The following CACNB4 variants were observed in gnomAD, a reference collection of about 807,000 sequenced individuals.
CACNB4 encodes calcium voltage-gated channel auxiliary subunit beta 4.
CACNB4 carries 32 observed loss-of-function variants against 71.2 expected under a neutral mutation model. The ratio of observed to expected loss-of-function variants is 0.45; its 90% CI spans 0.34 to 0.60. The LOEUF is 0.60. CACNB4 is among the 20% of genes least tolerant of loss of function. The pLI is 0.01. For missense variants in CACNB4, 464 were observed against 647.9 expected, an observed-to-expected ratio of 0.72 and a Z score of 3.08; for synonymous variants, 231 against 236.9, an observed-to-expected ratio of 0.97 and a Z score of 0.23.
intron 2 of CACNB4, among the ~76,000 whole-genome samples, chr2:152,077,140 G>C (rs1158600586): frequency 6.6e-6 from 1 of 152,222 alleles, no homozygotes; most frequent in Non-Finnish European, 1.5e-5. Flanking sequence ...AACATAAAGA[G>C]CCGAGCACAG....
At chr2:151,904,489 G>A (rs1482660089) in intron 2 of CACNB4, among the ~76,000 whole-genome samples, 3 of 151,522 alleles carry the variant, frequency 2.0e-5, no homozygotes, top group African/African-American at 7.3e-5. Flanking sequence ...CCATAAATTA[G>A]TGAACCCTAA....
intron 2 of CACNB4, among the ~76,000 whole-genome samples, chr2:152,055,276 TGC>T (rs1685666892): frequency 6.6e-6 from 1 of 152,196 alleles, no homozygotes; most frequent in African/African-American, 2.4e-5. Flanking sequence ...CCTCCCAAAA[TGC>T]TGGGATTACA....
At chr2:151,951,069 C>T (rs1380352132) in intron 2 of CACNB4, among the ~76,000 whole-genome samples, 4 of 152,100 alleles carry the variant, frequency 2.6e-5, no homozygotes, top group South Asian at 2.1e-4. Context: ...CTCAGCCTCC[C>T]GAGTACCTGG....
At chr2:152,002,113 A>G (rs1308208071) in intron 2 of CACNB4, among the ~76,000 whole-genome samples, 1 of 152,238 alleles carries the variant, frequency 6.6e-6, no homozygotes, top group African/African-American at 2.4e-5. Flanking sequence ...TATGAACAGC[A>G]ATGCCGCACC....
chr2:151,964,665 G>A (rs2099870581), intron 2 of CACNB4, among the ~76,000 whole-genome samples: 1 of 152,196 alleles, frequency 6.6e-6, no homozygotes, highest in African/African-American at 2.4e-5. Context: ...GAGGAAAAGT[G>A]TGCCCTTGGA....
At chr2:151,986,344 T>C (rs1681369161) in intron 2 of CACNB4, among the ~76,000 whole-genome samples, 1 of 152,230 alleles carries the variant, frequency 6.6e-6, no homozygotes, top group African/African-American at 2.4e-5. Flanking sequence ...TGGTTTGAAT[T>C]TCCAAAATGG....
intron 2 of CACNB4, among the ~76,000 whole-genome samples, chr2:151,998,482 TC>T: frequency 6.6e-6 from 1 of 152,298 alleles, no homozygotes; most frequent in East Asian, 1.9e-4. Flanking sequence ...TCCCTGAACT[TC>T]CTTAACTTCT....
At chr2:152,033,861 A>G (rs1684416252) in intron 2 of CACNB4, among the ~76,000 whole-genome samples, 1 of 152,168 alleles carries the variant, frequency 6.6e-6, no homozygotes, top group Non-Finnish European at 1.5e-5. Context: ...ATTTCCCTCA[A>G]TCAAATCATT....
In CACNB4 at chr2:151,932,114, C is replaced by A. The variant is rs191213411; in HGVS notation, c.148-48744G>T. 5.9e-5 allele frequency among the ~76,000 whole-genome samples: 9 copies of A among 152,050 alleles called. No homozygotes were observed. In the East Asian group the frequency reaches 1.7e-3, roughly 29 times the overall value. ...ATGGAAGGAAGCTGGGGAGAGACAG[C>A]TAACTTTTGCTTTTATATATCACTG... On this transcript the variant is annotated intron_variant, in intron 2 of 13. Transcript: ENST00000539935.
intron 2 of CACNB4, chr2:151,972,069 CAAA>C (rs56104858): frequency 0.017 from 1,908 of 110,766 alleles, 13 homozygotes; most frequent in Middle Eastern, 0.026. Context: ...GACCCAAAGG[CAAA>C]AAAAAAAAAA....
intron 2 of CACNB4, among the ~76,000 whole-genome samples, chr2:152,015,598 G>C (rs1683299621): frequency 6.6e-6 from 1 of 152,180 alleles, no homozygotes; most frequent in African/African-American, 2.4e-5. Flanking sequence ...TGAATTGTGA[G>C]CAAAAATGTA....
chr2:151,877,769 G>A (rs564309639), intron 4 of CACNB4, among the ~76,000 whole-genome samples: 58 of 152,302 alleles, frequency 3.8e-4, no homozygotes, highest in Non-Finnish European at 1.6e-4. Context: ...AAGCCCAAGA[G>A]GAACTCCAGA....
intron 2 of CACNB4, among the ~76,000 whole-genome samples, chr2:152,022,835 A>T (rs1225111423): frequency 6.6e-6 from 1 of 152,234 alleles, no homozygotes; most frequent in African/African-American, 2.4e-5. Flanking sequence ...TACAGGACTC[A>T]AAACTGTAAT....
chr2:151,976,703 C>T (rs1367913747), intron 2 of CACNB4, among the ~76,000 whole-genome samples: 1 of 152,208 alleles, frequency 6.6e-6, no homozygotes, highest in Non-Finnish European at 1.5e-5. Context: ...CCCAGAGGAA[C>T]TCTAAGGAGT....
intron 2 of CACNB4, among the ~76,000 whole-genome samples, chr2:151,992,942 C>T (rs894140726): frequency 1.3e-5 from 2 of 152,218 alleles, no homozygotes; most frequent in East Asian, 1.9e-4. Flanking sequence ...GCAAACAGAA[C>T]ATTTAAGTTC....
At chr2:151,907,230 G>A (rs1178173461) in intron 2 of CACNB4, among the ~76,000 whole-genome samples, 1 of 152,140 alleles carries the variant, frequency 6.6e-6, no homozygotes, top group Non-Finnish European at 1.5e-5. Flanking sequence ...TAGGGACCTA[G>A]ATCAGCTAGC....
At position 151,917,834 on chromosome 2, in the gene CACNB4, C is replaced by CCA. The variant is rs71410442; in HGVS notation, c.148-34465_148-34464insTG. Reference sequence around the variant, plus strand: ...TAGGCGACAAAGTGAGACACTGTCTCAAAAAAAAAAAAAAAAAAGAACATT... The same window carrying CCA: ...TAGGCGACAAAGTGAGACACTGTCTCCAAAAAAAAAAAAAAAAAAAGAACATT... On this transcript the variant is annotated intron_variant, in intron 2 of 13. Coordinates refer to ENST00000539935, the MANE Select transcript of CACNB4 (RefSeq NM_000726.5). Among the ~76,000 whole-genome samples the CCA allele has an allele frequency of 2.8e-4, 33 of 116,220 alleles. 1 individual carries two copies. In the South Asian group the frequency reaches 9.6e-3, roughly 34 times the overall value. The allele number at this position is 116,220 out of a possible 152,430, so 76.2% of individuals were successfully genotyped here.
chr2:152,072,375 G>A (rs989379564), intron 2 of CACNB4, among the ~76,000 whole-genome samples: 1 of 152,204 alleles, frequency 6.6e-6, no homozygotes, highest in South Asian at 2.1e-4. Flanking sequence ...GGAGCTTAAT[G>A]AATATTAAAT....
In CACNB4 at chr2:151,913,710, G is replaced by A. The variant is rs2099856800; in HGVS notation, c.148-30340C>T. Among the ~76,000 whole-genome samples the A allele has an allele frequency of 2.0e-5, 3 of 149,616 alleles. No homozygotes were observed. In the Admixed American group the frequency reaches 2.0e-4, roughly 10 times the overall value. Reference sequence around the variant, plus strand: ...GAACCCAGGAGGCGGAGCTTGCAGTGAGCCGAGATCACGCCACTGCACTCC... The same window carrying A: ...GAACCCAGGAGGCGGAGCTTGCAGTAAGCCGAGATCACGCCACTGCACTCC... On this transcript the variant is annotated intron_variant, in intron 2 of 13. Transcript: ENST00000539935.
Sources: allele counts gnomAD v4.1 joint callset (sites outside exome capture counted in the v4.1 genomes callset), GRCh38; gene constraint gnomAD v4.1.1; transcripts MANE v1.5; gene names NCBI Gene and HGNC (gene_info 2026-07-23, HGNC 2026-07-21).